Variants in CTNNA3 observed in about 807,000 individuals in gnomAD.
The protein encoded by CTNNA3 is catenin alpha-3.
Under a neutral mutation model 95.7 loss-of-function variants are expected in CTNNA3, and 76 were observed. The ratio of observed to expected loss-of-function variants is 0.79; its 90% CI spans 0.66 to 0.96. The LOEUF is 0.96. CTNNA3 is among the 40% of genes least tolerant of loss of function. The pLI, the probability that CTNNA3 is intolerant of heterozygous loss-of-function variation, is 0.00. For missense variants in CTNNA3, 1,191 were observed against 1,089.8 expected, an observed-to-expected ratio of 1.09 and a Z score of -1.31; for synonymous variants, 431 against 374.4, an observed-to-expected ratio of 1.15 and a Z score of -1.74.
chr10:67,703,075 G>C (rs138416780), intron 1 of CTNNA3, among the ~76,000 whole-genome samples: 1,553 of 152,286 alleles, frequency 0.01, 27 homozygotes, highest in African/African-American at 0.036. Context: ...GACTAAACCA[G>C]GAAGAAGTTG....
intron 5 of CTNNA3, among the ~76,000 whole-genome samples, chr10:67,254,874 G>T (rs532654123): frequency 6.6e-6 from 1 of 152,108 alleles, no homozygotes; most frequent in Non-Finnish European, 1.5e-5. Flanking sequence ...CAATGAAATC[G>T]CCTAATGATG....
intron 5 of CTNNA3, among the ~76,000 whole-genome samples, chr10:67,275,001 A>C (rs1839133968): frequency 6.6e-6 from 1 of 152,206 alleles, no homozygotes; most frequent in South Asian, 2.1e-4. Context: ...TAAGCCAGAA[A>C]GCAAAGCAAA....
chr10:66,889,518 TTA>T (rs1462578715), intron 7 of CTNNA3, among the ~76,000 whole-genome samples: 1 of 152,124 alleles, frequency 6.6e-6, no homozygotes, highest in Non-Finnish European at 1.5e-5. Flanking sequence ...TGCTGTGAAC[TTA>T]TAATTAATCT....
At chr10:67,089,528 T>TA (rs1168320750) in intron 7 of CTNNA3, among the ~76,000 whole-genome samples, 1 of 152,052 alleles carries the variant, frequency 6.6e-6, no homozygotes, top group Non-Finnish European at 1.5e-5. Context: ...TAAAGTATAT[T>TA]ATCTCTGTGG....
chr10:67,609,648 A>G (rs183737419), intron 2 of CTNNA3, among the ~76,000 whole-genome samples: 25 of 152,328 alleles, frequency 1.6e-4, no homozygotes, highest in Admixed American at 1.5e-3. Flanking sequence ...AATCATTGTT[A>G]TCCTACAAGA....
intron 2 of CTNNA3, among the ~76,000 whole-genome samples, chr10:67,644,746 G>T (rs1839652720): frequency 6.6e-6 from 1 of 151,714 alleles, no homozygotes; most frequent in Non-Finnish European, 1.5e-5. Flanking sequence ...TGCATAAGTT[G>T]ATATTATATA....
At chr10:66,100,446 G>C (rs1424603317) in intron 14 of CTNNA3, among the ~76,000 whole-genome samples, 1 of 152,188 alleles carries the variant, frequency 6.6e-6, no homozygotes, top group African/African-American at 2.4e-5. Context: ...TATAAGAGCA[G>C]AGAGTAGCCA....
At chr10:67,441,930 G>A (rs970499629) in intron 5 of CTNNA3, among the ~76,000 whole-genome samples, 1 of 152,096 alleles carries the variant, frequency 6.6e-6, no homozygotes, top group Non-Finnish European at 1.5e-5. Flanking sequence ...ATTGTGGTGT[G>A]TAAACTACTC....
intron 5 of CTNNA3, chr10:67,403,342 A>G (rs1193875247): frequency 3.3e-5 from 5 of 152,258 alleles, no homozygotes; most frequent in African/African-American, 1.2e-4. Flanking sequence ...TGAGCTGCCA[A>G]TGTTGCTTTG....
intron 10 of CTNNA3, among the ~76,000 whole-genome samples, chr10:66,568,836 T>C (rs1046884160): frequency 2.0e-5 from 3 of 151,738 alleles, no homozygotes; most frequent in African/African-American, 4.8e-5. Context: ...TTTACATACA[T>C]GGGGCAGAAT....
rs1037455289 is a variant in CTNNA3 at position 66,432,804 on chromosome 10, T to C, written c.1532-53452A>G. 4.6e-5 allele frequency among the ~76,000 whole-genome samples: 7 copies of C among 152,230 alleles called. No individual in the cohort carries two copies. The East Asian group carries it at 5.8e-4, about 13-fold the overall frequency. The stretch of plus-strand genomic sequence containing the variant: ...TTTCTCCTAATGCTATCCCTACCCT[T>C]GCCCCCAACCCCCAACAGGGTATGT... On this transcript the variant is annotated intron_variant, in intron 11 of 17. Transcript: ENST00000433211.
chr10:66,248,911 C>T (rs1269847003), intron 13 of CTNNA3, among the ~76,000 whole-genome samples: 1 of 152,080 alleles, frequency 6.6e-6, no homozygotes, highest in Non-Finnish European at 1.5e-5. Flanking sequence ...CACTACAAAG[C>T]TATAGTAACC....
intron 9 of CTNNA3, among the ~76,000 whole-genome samples, chr10:66,695,920 G>GT (rs1050283059): frequency 3.6e-5 from 5 of 140,350 alleles, no homozygotes; most frequent in African/African-American, 1.3e-4. Context: ...GACGTAAGGG[G>GT]GGGGGGCAAT....
intron 6 of CTNNA3, among the ~76,000 whole-genome samples, chr10:67,190,440 G>T (rs969458164): frequency 6.6e-6 from 1 of 151,938 alleles, no homozygotes; most frequent in African/African-American, 2.4e-5. Flanking sequence ...ATTTTGGGGG[G>T]AGGATGAGAC....
intron 12 of CTNNA3, among the ~76,000 whole-genome samples, chr10:66,346,202 T>A (rs955588658): frequency 1.8e-5 from 2 of 111,684 alleles, no homozygotes; most frequent in African/African-American, 3.4e-5. Context: ...ATAGTAAGTA[T>A]GTGTGTGTGT....
At chr10:66,148,162 G>A (rs2083995686) in intron 13 of CTNNA3, among the ~76,000 whole-genome samples, 1 of 151,794 alleles carries the variant, frequency 6.6e-6, no homozygotes, top group Admixed American at 6.6e-5. Flanking sequence ...TCAGGAGCTT[G>A]TCATATATTA....
chr10:67,700,032 G>C (rs977045071), upstream of CTNNA3, among the ~76,000 whole-genome samples: 1 of 152,260 alleles, frequency 6.6e-6, no homozygotes, highest in African/African-American at 2.4e-5. Context: ...TAGCACAGCA[G>C]TCTGAGATCA....
chr10:66,272,296 A>T (rs536339872), intron 13 of CTNNA3, among the ~76,000 whole-genome samples: 1 of 152,300 alleles, frequency 6.6e-6, no homozygotes, highest in South Asian at 2.1e-4. Context: ...GTTGAAGAGC[A>T]GAGTAACTTA....
At chr10:66,270,715 T>C (rs1335235756) in intron 13 of CTNNA3, among the ~76,000 whole-genome samples, 1 of 152,108 alleles carries the variant, frequency 6.6e-6, no homozygotes, top group African/African-American at 2.4e-5. Context: ...AGGATCTGTG[T>C]AGGGTGTTGG....
Sources: allele counts gnomAD v4.1 joint callset (sites outside exome capture counted in the v4.1 genomes callset), GRCh38; gene constraint gnomAD v4.1.1; transcripts MANE v1.5; gene names NCBI Gene and HGNC (gene_info 2026-07-23, HGNC 2026-07-21).